The following WASHC2C variants were observed in gnomAD, a reference collection of about 807,000 sequenced individuals.
WASHC2C encodes the protein WASH complex subunit 2C, also known as Vaccinia Penetration Factor.
A neutral mutation model predicts 142.2 loss-of-function variants in WASHC2C; 73 were observed. The observed-to-expected ratio is 0.51, with a 90% confidence interval of 0.43 to 0.62. The LOEUF is 0.62. Among genes scored for constraint, WASHC2C ranks in the 20% least tolerant of loss-of-function variants. The pLI is 0.00. For missense variants in WASHC2C, 969 were observed against 1,531.7 expected (o/e 0.63, Z 6.13); for synonymous variants, 337 against 565.5 (o/e 0.60, Z 5.73).
rs1481674201 is a variant in WASHC2C, at chr10:45,789,054, A to G, written c.3271A>G (p.Ser1091Gly). The change falls in exon 29 of 31, where the codon AGC becomes GGC. Residue 1091 changes from serine to glycine, a missense_variant. Ser to Gly is a moderately conservative substitution (Grantham distance 56). Coordinates refer to ENST00000623400, the MANE Select transcript of WASHC2C (RefSeq NM_001330074.2). ...PQLRAASGED[S>G]TEEALAAAAA... ...GCTCAGAGCAGCCAGTGGAGAAGAC[A>G]GCACTGAGGAGGCCCTGGCAGCTGC... is the stretch of plus-strand genomic sequence containing the variant. 6.2e-7 allele frequency: 1 copy of G among 1,611,938 alleles called. No individual in the cohort carries two copies. Among genetic ancestry groups the G allele is most frequent in the Non-Finnish European group, 8.5e-7 (1 of 1,179,860 alleles).
chr10:45,786,253 G>A (rs1256118597), intron 26 of WASHC2C: 9 of 398,458 alleles, frequency 2.3e-5, no homozygotes, highest in African/African-American at 1.6e-4. Context: ...AGTGCATTAG[G>A]CTATGGTTGA....
intron 3 of WASHC2C, among the ~76,000 whole-genome samples, chr10:45,733,878 C>T (rs879998084): frequency 4.7e-5 from 7 of 150,174 alleles, no homozygotes; most frequent in Non-Finnish European, 8.9e-5. Flanking sequence ...AGCCTCTCAA[C>T]GTTTAGCACA....
intron 21 of WASHC2C, among the ~76,000 whole-genome samples, chr10:45,773,636 G>A (rs1173955491): frequency 3.0e-4 from 45 of 152,324 alleles, no homozygotes; most frequent in African/African-American, 9.6e-4. Context: ...CATTAGACTA[G>A]GCCAGTTAAG....
At chr10:45,783,759 CCTT>C (rs1554888663) in intron 23 of WASHC2C, among the ~76,000 whole-genome samples, 2 of 152,278 alleles carry the variant, frequency 1.3e-5, no homozygotes, top group African/African-American at 4.8e-5. Flanking sequence ...CCATGCCTGG[CCTT>C]TTTGTTAAGT....
intron 3 of WASHC2C, 60 bp from the exon 4 acceptor site, chr10:45,737,923 T>C (rs2051468819): frequency 1.7e-5 from 27 of 1,611,828 alleles, no homozygotes; most frequent in Non-Finnish European, 2.3e-5. Context: ...AATTCTTATA[T>C]TGTGATTTAT....
intron 25 of WASHC2C, 105 bp downstream of exon 25, chr10:45,785,006 G>A (rs1487648928): frequency 1.2e-6 from 2 of 1,607,864 alleles, no homozygotes; most frequent in Admixed American, 1.7e-5. Flanking sequence ...GAGTCGTGCT[G>A]CTTCCTGCTA....
At position 45,743,379 on chromosome 10, in the gene WASHC2C, A is replaced by G; in HGVS notation, c.529-11A>G. ...AAATGTTTGACAGCCTATTCCTTTCATCATGTACAGGATCTATACATTGAT... is the reference window on the plus strand; with the variant it reads ...AAATGTTTGACAGCCTATTCCTTTCGTCATGTACAGGATCTATACATTGAT... On this transcript the variant is annotated splice_polypyrimidine_tract_variant and intron_variant, in intron 5 of 30. Coordinates refer to ENST00000623400, the MANE Select transcript of WASHC2C (RefSeq NM_001330074.2). 1 of 1,611,960 alleles carries G rather than the reference A, an allele frequency of 6.2e-7. No homozygotes were observed. The highest frequency in any genetic ancestry group is 8.5e-7 in the Non-Finnish European group (1 of 1,179,838).
intron 8 of WASHC2C, among the ~76,000 whole-genome samples, chr10:45,747,369 C>T (rs2052964715): frequency 6.6e-6 from 1 of 152,060 alleles, no homozygotes; most frequent in African/African-American, 2.4e-5. Flanking sequence ...GTCTCGAGCT[C>T]CTGACCTCAG....
intron 21 of WASHC2C, 114 bp from the exon 22 acceptor site, chr10:45,777,159 G>C (rs2057164802): frequency 1.4e-6 from 1 of 694,476 alleles, no homozygotes; most frequent in Admixed American, 2.9e-5. Context: ...TCTCTTCCTT[G>C]ATCACATTTA....
chr10:45,731,267 C>G (rs1276917504), intron 3 of WASHC2C, among the ~76,000 whole-genome samples: 1 of 141,156 alleles, frequency 7.1e-6, no homozygotes, highest in African/African-American at 2.7e-5. Context: ...GTCATCCAGG[C>G]TGGAGTGCAG....
intron 8 of WASHC2C, among the ~76,000 whole-genome samples, chr10:45,747,363 C>T (rs141045999): frequency 0.025 from 3,832 of 151,964 alleles, 68 homozygotes; most frequent in Middle Eastern, 0.058. Context: ...AGGCTGGTCT[C>T]GAGCTCCTGA....
intron 8 of WASHC2C, among the ~76,000 whole-genome samples, chr10:45,749,454 A>G (rs551253721): frequency 6.6e-6 from 1 of 150,800 alleles, no homozygotes; most frequent in African/African-American, 2.5e-5. Context: ...ATAAATAAAA[A>G]TATTTCTCTA....
intron 6 of WASHC2C, among the ~76,000 whole-genome samples, chr10:45,744,049 TTTTC>T (rs528434831): frequency 1.3e-5 from 2 of 151,410 alleles, no homozygotes; most frequent in Admixed American, 6.6e-5. Flanking sequence ...GCCCGGCTCT[TTTTC>T]TTTCTTTCTT....
At chr10:45,730,009 TATTTCCTTTAACAGCA>T (rs2050344567) in intron 3 of WASHC2C, among the ~76,000 whole-genome samples, 1 of 148,450 alleles carries the variant, frequency 6.7e-6, no homozygotes, top group South Asian at 2.2e-4. Context: ...CTTTGCCAGT[TATTTCCTTTAACAGCA>T]AAGGAGTACT....
chr10:45,784,311 T>TATATATACAC (rs200659699), intron 23 of WASHC2C, among the ~76,000 whole-genome samples: 47 of 58,114 alleles, frequency 8.1e-4, no homozygotes, highest in African/African-American at 2.3e-3. Flanking sequence ...TATATATATA[T>TATATATACAC]ACACACACAT....
intron 19 of WASHC2C, among the ~76,000 whole-genome samples, chr10:45,766,599 A>G (rs1424878483): frequency 7.0e-6 from 1 of 143,744 alleles, no homozygotes; most frequent in Non-Finnish European, 1.5e-5. Context: ...TTAAATGACT[A>G]CTGTGTTTCA....
intron 19 of WASHC2C, among the ~76,000 whole-genome samples, chr10:45,766,872 G>T (rs1317694808): frequency 2.6e-5 from 4 of 152,124 alleles, no homozygotes; most frequent in African/African-American, 9.7e-5. Context: ...TTGTAGGCAA[G>T]TTAGTAGGGG....
In WASHC2C at chr10:45,755,031, C is replaced by T; in HGVS notation, c.1336C>T (p.Pro446Ser). Residue 446 changes from proline to serine, a missense_variant, in exon 15 of 31, where the codon CCT becomes TCT. Transcript: ENST00000623400. ...TCCAAGGAAAAGCCCCTATGGTCCC[C>T]CTCCCACTGGCCTCTTTGATGATGA... ...PTPRKSPYGP[P>S]PTGLFDDDDG... The T allele has an allele frequency of 8.1e-6, 13 of 1,611,902 alleles. No homozygotes were observed. The highest frequency in any genetic ancestry group is 2.2e-5 in the South Asian group (2 of 90,976).
In WASHC2C at chr10:45,787,077, G is replaced by C. The variant is rs539030749; in HGVS notation, c.2917G>C (p.Ala973Pro). ...INPAALLPTAASQISEVKPVL... is the reference protein window; with the variant it reads ...INPAALLPTAPSQISEVKPVL... ...CCCAGCGGCCTTGCTGCCCACAGCG[G>C]CTTCCCAGATCTCTGAAGTAAAGCC... The change falls in exon 28 of 31, where the codon GCT becomes CCT. Residue 973 changes from alanine (A) to proline (P), a missense_variant. Transcript: ENST00000623400. The C allele has an allele frequency of 1.2e-6, 2 of 1,608,812 alleles. No homozygotes were observed. The highest frequency in any genetic ancestry group is 2.2e-5 in the South Asian group (2 of 90,732).
Sources: allele counts gnomAD v4.1 joint callset (sites outside exome capture counted in the v4.1 genomes callset), GRCh38; gene constraint gnomAD v4.1.1; transcripts MANE v1.5; gene names NCBI Gene and HGNC (gene_info 2026-07-23, HGNC 2026-07-21).